ZNF469: variants seen among roughly 807,000 people sequenced by gnomAD.
ZNF469 encodes zinc finger protein 469.
Under a neutral mutation model 1.0 loss-of-function variants are expected in ZNF469, and 1 was observed. That is an observed-to-expected ratio of 1.00 (90% CI 0.35 to 4.73). The LOEUF (loss-of-function observed/expected upper bound fraction) is 4.73. ZNF469 is among the 30% of genes most tolerant of loss of function. The pLI, the probability that ZNF469 is intolerant of heterozygous loss-of-function variation, is 0.16. For missense variants in ZNF469, 6,100 were observed against 5,356.3 expected, an observed-to-expected ratio of 1.14 and a Z score of -4.33; for synonymous variants, 2,703 against 2,363.4, an observed-to-expected ratio of 1.14 and a Z score of -4.17.
chr16:88,183,300 C>G, the ZNF469 span, among the ~76,000 whole-genome samples: 2 of 152,144 alleles, frequency 1.3e-5, no homozygotes, highest in Non-Finnish European at 2.9e-5. Flanking sequence ...CTCCAGCAAT[C>G]CCACTCTCAA....
At chr16:88,223,178 C>A in the ZNF469 span, among the ~76,000 whole-genome samples, 1 of 152,138 alleles carries the variant, frequency 6.6e-6, no homozygotes, top group Non-Finnish European at 1.5e-5. Flanking sequence ...TCCATAATTC[C>A]CATGGGTTGT....
Position 88,438,278 on chromosome 16 carries a change from G to A in ZNF469, c.10808G>A (p.Arg3603Gln), listed in dbSNP as rs537930010. Residue 3603 changes from arginine to glutamine, a missense_variant, in exon 3 of 3, where the codon CGG becomes CAG. Physicochemically the swap from Arg to Gln is conservative, Grantham distance 43. Transcript: ENST00000565624. The stretch of plus-strand genomic sequence containing the variant: ...CTCCCTCTGGGGGCATCTCTGCCGC[G>A]GCCGGGAGCCAGAGGCCAAGATGCG... Reference protein sequence around the residue: ...QALPLGASLPRPGARGQDAEG... With the variant: ...QALPLGASLPQPGARGQDAEG... 88 of 1,548,286 alleles carry A rather than the reference G, an allele frequency of 5.7e-5. No individual in the cohort carries two copies. Among genetic ancestry groups the A allele is most frequent in the African/African-American group, 2.6e-4 (19 of 73,136 alleles).
the ZNF469 span, among the ~76,000 whole-genome samples, chr16:88,335,805 G>A: frequency 2.8e-4 from 42 of 151,770 alleles, 1 homozygote; most frequent in South Asian, 8.2e-3. Context: ...CGTCCTTCAC[G>A]TGAGACACTG....
chr16:88,248,242 T>G, the ZNF469 span, among the ~76,000 whole-genome samples: 1 of 152,192 alleles, frequency 6.6e-6, no homozygotes, highest in African/African-American at 2.4e-5. Flanking sequence ...AGAAGTGCAT[T>G]TAGTAACCAC....
the ZNF469 span, among the ~76,000 whole-genome samples, chr16:88,292,428 ATC>A: frequency 6.6e-6 from 1 of 152,140 alleles, no homozygotes; most frequent in African/African-American, 2.4e-5. Context: ...CCACCCTCCC[ATC>A]TATGAATTGA....
the ZNF469 span, chr16:88,194,418 G>C: frequency 2.0e-5 from 3 of 152,406 alleles, no homozygotes; most frequent in South Asian, 2.1e-4. Flanking sequence ...GCACGCACCA[G>C]GCAGTGGGAC....
At chr16:88,232,165 A>C in the ZNF469 span, among the ~76,000 whole-genome samples, 5 of 152,226 alleles carry the variant, frequency 3.3e-5, no homozygotes, top group African/African-American at 9.7e-5. Context: ...AGGCTGCAAC[A>C]GTTCCCAGGT....
the ZNF469 span, among the ~76,000 whole-genome samples, chr16:88,206,770 C>T: frequency 6.7e-6 from 1 of 148,754 alleles, no homozygotes; most frequent in Admixed American, 6.7e-5. Context: ...GTGAGAGATC[C>T]CACTTGGTAT....
In ZNF469 at chr16:88,434,635, G is replaced by A; in HGVS notation, c.7165G>A (p.Gly2389Ser). The A allele has an allele frequency of 1.9e-6, 3 of 1,550,278 alleles. No homozygotes were observed. Among genetic ancestry groups the A allele is most frequent in the Non-Finnish European group, 2.6e-6 (3 of 1,146,930 alleles). Residue 2389 changes from glycine to serine, a missense_variant, in exon 3 of 3, where the codon GGT (glycine) becomes AGT (serine). Transcript: ENST00000565624. ...AGGGACCCCTGAGACCGGGCGCTCT[G>A]GTGCTACCAAGATGCCCAGGGTCAC... ...DPGTPETGRS[G>S]ATKMPRVTCP...
At chr16:88,417,033 G>GGCT (rs1181642379) in intron 1 of ZNF469, among the ~76,000 whole-genome samples, 1 of 152,222 alleles carries the variant, frequency 6.6e-6, no homozygotes, top group Admixed American at 6.5e-5. Context: ...ACAGGGTGAG[G>GGCT]GCTGACAGCT....
chr16:88,437,824 G>T lies in ZNF469; in HGVS notation c.10354G>T (p.Gly3452Cys). The part of the protein sequence containing the change: ...RGGRQPFAFR[G>C]VRRPGAPGQK... Reference sequence around the variant, plus strand: ...GGGGCGGCAGCCCTTCGCGTTCCGCGGCGTGCGGAGGCCGGGAGCGCCGGG... The same window carrying T: ...GGGGCGGCAGCCCTTCGCGTTCCGCTGCGTGCGGAGGCCGGGAGCGCCGGG... The change falls in exon 3 of 3, where the codon GGC (glycine) becomes TGC (cysteine). Residue 3452 changes from glycine (G) to cysteine (C), a missense_variant. Gly to Cys is a radical substitution (Grantham distance 159). Coordinates refer to ENST00000565624, the MANE Select transcript of ZNF469 (RefSeq NM_001367624.2). 2 of 1,541,940 alleles carry T rather than the reference G, an allele frequency of 1.3e-6. No homozygotes were observed. The highest frequency in any genetic ancestry group is 1.8e-6 in the Non-Finnish European group (2 of 1,140,684).
the ZNF469 span, among the ~76,000 whole-genome samples, chr16:88,229,425 G>T: frequency 1.1e-3 from 163 of 152,350 alleles, no homozygotes; most frequent in African/African-American, 3.6e-3. Flanking sequence ...GAGGCTGCAC[G>T]AGGTTGGAGG....
chr16:88,246,168 G>A, the ZNF469 span, among the ~76,000 whole-genome samples: 21 of 152,354 alleles, frequency 1.4e-4, no homozygotes, highest in East Asian at 1.9e-4. Flanking sequence ...CAGGAGCTCC[G>A]CCTTGCCCAT....
At chr16:88,301,055 A>G in the ZNF469 span, among the ~76,000 whole-genome samples, 1 of 151,988 alleles carries the variant, frequency 6.6e-6, no homozygotes, top group Non-Finnish European at 1.5e-5. Flanking sequence ...ACAGAGCGAG[A>G]CTGTCTCAAA....
the ZNF469 span, among the ~76,000 whole-genome samples, chr16:88,218,742 C>A: frequency 1.1e-3 from 169 of 151,776 alleles, 1 homozygote; most frequent in African/African-American, 4.0e-3. Context: ...ACTCCTATTC[C>A]ACATAGTGTT....
At position 88,432,480 on chromosome 16, in the gene ZNF469, CCTT is replaced by C. The variant is rs1567513159; in HGVS notation, c.5013_5015del (p.Leu1672del). 1.9e-6 allele frequency: 3 copies of C among 1,550,386 alleles called. No individual in the cohort carries two copies. The highest frequency in any genetic ancestry group is 2.6e-6 in the Non-Finnish European group (3 of 1,146,978). The stretch of plus-strand genomic sequence containing the variant: ...CCTCCTTCCATCCGGGACATGCAGC[CCTT>C]CTCCCCTGTGCCCAGGAAGACCTGG... On this transcript the variant is annotated inframe_deletion, in exon 3 of 3. Transcript: ENST00000565624.
chr16:88,129,354 C>T, the ZNF469 span, among the ~76,000 whole-genome samples: 1 of 152,254 alleles, frequency 6.6e-6, no homozygotes, highest in African/African-American at 2.4e-5. Context: ...AGTCTTGCCA[C>T]TGCCTCTGTT....
At chr16:88,313,778 A>G in the ZNF469 span, among the ~76,000 whole-genome samples, 1 of 148,722 alleles carries the variant, frequency 6.7e-6, no homozygotes, top group Non-Finnish European at 1.5e-5. Flanking sequence ...TCATCTCTGT[A>G]ATTCAGGCAG....
chr16:88,403,177 A>T (rs1434609588), intron 1 of ZNF469, among the ~76,000 whole-genome samples: 1 of 152,142 alleles, frequency 6.6e-6, no homozygotes, highest in Non-Finnish European at 1.5e-5. Flanking sequence ...GCCGTGCTGG[A>T]TGCTTCTGTC....
Sources: gnomAD v4.1 joint callset for allele counts (sites outside exome capture counted in the v4.1 genomes callset) on GRCh38, gnomAD v4.1.1 for gene constraint, MANE v1.5 for transcripts, NCBI Gene and HGNC (gene_info 2026-07-23, HGNC 2026-07-21) for gene names.